The following PACRG variants were observed in gnomAD, a reference collection of about 807,000 sequenced individuals.
PACRG encodes parkin coregulated gene protein.
A neutral mutation model predicts 29.7 loss-of-function variants in PACRG; 29 were observed. The ratio of observed to expected loss-of-function variants is 0.98; its 90% CI spans 0.73 to 1.33. The LOEUF is 1.33. Among genes scored for constraint, PACRG ranks in the 40% most tolerant of loss-of-function variants. PACRG has a pLI of 0.00. For synonymous variants in PACRG, 116 were observed against 118.7 expected (o/e 0.98, Z 0.15); for missense variants, 279 against 316.2 (o/e 0.88, Z 0.89).
chr6:163,207,949 G>A lies in PACRG; in HGVS notation c.614-106878G>A, dbSNP rs192476699. Among the ~76,000 whole-genome samples the A allele has an allele frequency of 4.8e-3, 734 of 152,310 alleles. 1 individual carries two copies. Among genetic ancestry groups the A allele is most frequent in the Middle Eastern group, 0.034 (10 of 294 alleles). The stretch of plus-strand genomic sequence containing the variant: ...AATCTGTGGATACCATATGGATGTC[G>A]CTGAGAAGGAGTGGGGACTTGGGCA... On this transcript the variant is annotated intron_variant, in intron 4 of 4. Coordinates refer to ENST00000366888, the MANE Select transcript of PACRG (RefSeq NM_001080379.2).
At chr6:163,195,678 G>A (rs1780420961) in intron 4 of PACRG, among the ~76,000 whole-genome samples, 2 of 152,268 alleles carry the variant, frequency 1.3e-5, no homozygotes, top group South Asian at 4.1e-4. Flanking sequence ...AGTGGAGGCC[G>A]CCCGACCCCC....
intron 4 of PACRG, chr6:163,182,817 T>A (rs1779736236): frequency 6.6e-6 from 1 of 152,242 alleles, no homozygotes; most frequent in Non-Finnish European, 1.5e-5. Flanking sequence ...GTGTACTTTT[T>A]AGAGCATAGT....
chr6:162,892,037 C>G (rs532340743), intron 2 of PACRG: 1 of 152,588 alleles, frequency 6.6e-6, no homozygotes, highest in African/African-American at 2.4e-5. Context: ...GGCAAGGCCC[C>G]CCCTGCTCCT....
At chr6:162,927,789 T>A (rs1360575473) in intron 2 of PACRG, among the ~76,000 whole-genome samples, 1 of 151,248 alleles carries the variant, frequency 6.6e-6, no homozygotes, top group African/African-American at 2.4e-5. Context: ...ATCCTAGAAC[T>A]TAAAATTAAA....
At chr6:163,100,126 A>G (rs988658191) in intron 4 of PACRG, among the ~76,000 whole-genome samples, 2 of 151,834 alleles carry the variant, frequency 1.3e-5, no homozygotes, top group African/African-American at 4.8e-5. Flanking sequence ...GAGGACAGCC[A>G]GGTGGAGGCG....
At chr6:162,981,992 G>A (rs1278886415) in intron 2 of PACRG, among the ~76,000 whole-genome samples, 4 of 149,712 alleles carry the variant, frequency 2.7e-5, no homozygotes, top group East Asian at 2.0e-4. Flanking sequence ...GTCTGTTCAC[G>A]GTTTCTATTT....
intron 4 of PACRG, among the ~76,000 whole-genome samples, chr6:163,298,496 C>T (rs746981875): frequency 2.6e-5 from 4 of 152,166 alleles, no homozygotes; most frequent in Non-Finnish European, 5.9e-5. Flanking sequence ...ATACCAGTAA[C>T]CACAAAATGT....
chr6:162,946,772 A>G (rs2128125302), intron 2 of PACRG, among the ~76,000 whole-genome samples: 1 of 152,284 alleles, frequency 6.6e-6, no homozygotes, highest in East Asian at 1.9e-4. Flanking sequence ...CAAAAAGATA[A>G]TATACCATAT....
intron 3 of PACRG, among the ~76,000 whole-genome samples, chr6:163,068,495 T>TTTA (rs1554350062): frequency 1.3e-5 from 2 of 150,762 alleles, no homozygotes; most frequent in African/African-American, 4.9e-5. Flanking sequence ...TTTTTTTTTT[T>TTTA]ATCAATTTTC....
chr6:162,875,322 C>T (rs1172675051), intron 2 of PACRG, among the ~76,000 whole-genome samples: 1 of 151,768 alleles, frequency 6.6e-6, no homozygotes. Flanking sequence ...CACAGACATT[C>T]ACACACAGAC....
At chr6:162,880,768 A>G (rs1007916958) in intron 2 of PACRG, among the ~76,000 whole-genome samples, 2 of 152,194 alleles carry the variant, frequency 1.3e-5, no homozygotes, top group African/African-American at 4.8e-5. Flanking sequence ...AATAAATTGC[A>G]CCTACCTGAA....
At chr6:163,313,712 A>G (rs1785530723) in intron 4 of PACRG, 2 of 152,240 alleles carry the variant, frequency 1.3e-5, no homozygotes, top group Admixed American at 1.3e-4. Flanking sequence ...GGCACTCTCT[A>G]GGCCTGAGCT....
chr6:162,769,314 G>T (rs976909578), intron 1 of PACRG, among the ~76,000 whole-genome samples: 9 of 135,576 alleles, frequency 6.6e-5, no homozygotes, highest in Admixed American at 1.4e-4. Context: ...TGGGAGTTTC[G>T]AGGTGGTTTT....
intron 4 of PACRG, among the ~76,000 whole-genome samples, chr6:163,196,882 TA>T (rs1780474276): frequency 2.0e-5 from 3 of 151,220 alleles, no homozygotes; most frequent in African/African-American, 7.3e-5. Context: ...GACAGGTAGA[TA>T]GATGGATAGA....
intron 4 of PACRG, chr6:163,170,706 C>T (rs556150227): frequency 2.0e-5 from 3 of 152,356 alleles, no homozygotes; most frequent in East Asian, 3.9e-4. Context: ...TATTTGCTGT[C>T]GATTCCACGC....
At chr6:162,807,209 C>G (rs1196514189) in intron 1 of PACRG, among the ~76,000 whole-genome samples, 1 of 152,170 alleles carries the variant, frequency 6.6e-6, no homozygotes, top group Non-Finnish European at 1.5e-5. Flanking sequence ...CCAGACCACT[C>G]AAACTTTTTC....
intron 3 of PACRG, among the ~76,000 whole-genome samples, chr6:163,079,752 T>C (rs1812897146): frequency 6.6e-6 from 1 of 152,168 alleles, no homozygotes; most frequent in South Asian, 2.1e-4. Context: ...TCTTCTATTT[T>C]GTGCACATCT....
intron 2 of PACRG, among the ~76,000 whole-genome samples, chr6:163,006,392 AC>A (rs1250118132): frequency 1.3e-5 from 2 of 151,388 alleles, no homozygotes; most frequent in African/African-American, 4.8e-5. Context: ...CATGTGTGAT[AC>A]TGTGGGTTAT....
intron 2 of PACRG, among the ~76,000 whole-genome samples, chr6:162,837,666 CAATT>C (rs1562647639): frequency 6.6e-6 from 1 of 152,086 alleles, no homozygotes; most frequent in Non-Finnish European, 1.5e-5. Context: ...AGACTTATCT[CAATT>C]AAGTTTCAAC....
Sources: gnomAD v4.1 joint callset for allele counts (sites outside exome capture counted in the v4.1 genomes callset) on GRCh38, gnomAD v4.1.1 for gene constraint, MANE v1.5 for transcripts, NCBI Gene and HGNC (gene_info 2026-07-23, HGNC 2026-07-21) for gene names.